TMTC2: variants seen among roughly 807,000 people sequenced by gnomAD.
The protein encoded by TMTC2 is transmembrane O-mannosyltransferase targeting cadherins 2.
TMTC2 carries 43 observed loss-of-function variants against 82.4 expected under a neutral mutation model. That is an observed-to-expected ratio of 0.52 (90% CI 0.41 to 0.67). TMTC2 has a LOEUF of 0.67. Among genes scored for constraint, TMTC2 ranks in the 30% least tolerant of loss-of-function variants. The probability of loss-of-function intolerance (pLI) is 0.00; values close to 1 mark genes in which losing one functional copy is unlikely to be tolerated. For synonymous variants in TMTC2, 408 were observed against 381.9 expected (o/e 1.07, Z -0.80); for missense variants, 919 against 1,012.4 (o/e 0.91, Z 1.25).
chr12:83,100,508 G>A (rs544382470), intron 11 of TMTC2, among the ~76,000 whole-genome samples: 9 of 152,004 alleles, frequency 5.9e-5, no homozygotes, highest in African/African-American at 9.6e-5. Context: ...TCAGATATTC[G>A]TATCCCAATC....
At chr12:82,739,563 A>G (rs755052638) in intron 1 of TMTC2, among the ~76,000 whole-genome samples, 1 of 152,036 alleles carries the variant, frequency 6.6e-6, no homozygotes, top group Non-Finnish European at 1.5e-5. Context: ...ACACTGGACT[A>G]TATATTTATG....
At chr12:82,792,054 C>G (rs1270827695) in intron 1 of TMTC2, among the ~76,000 whole-genome samples, 1 of 152,100 alleles carries the variant, frequency 6.6e-6, no homozygotes, top group African/African-American at 2.4e-5. Flanking sequence ...TGGGAAATTC[C>G]CACAGAAGCA....
chr12:82,827,893 CTT>C (rs796933469), intron 1 of TMTC2, among the ~76,000 whole-genome samples: 1 of 143,688 alleles, frequency 7.0e-6, no homozygotes. Flanking sequence ...TTTTCGTTTT[CTT>C]TTTTTTTTTT....
chr12:82,812,135 C>T (rs1868435185), intron 1 of TMTC2, among the ~76,000 whole-genome samples: 1 of 152,036 alleles, frequency 6.6e-6, no homozygotes, highest in Admixed American at 6.6e-5. Flanking sequence ...TATCTTAACA[C>T]ATCTGAAACT....
intron 7 of TMTC2, among the ~76,000 whole-genome samples, chr12:82,979,525 T>A (rs1878828648): frequency 6.6e-6 from 1 of 151,822 alleles, no homozygotes; most frequent in African/African-American, 2.4e-5. Flanking sequence ...TGTTTATTTC[T>A]TATACTGTGC....
chr12:83,071,566 G>A (rs1282158932), intron 11 of TMTC2, among the ~76,000 whole-genome samples: 1 of 152,106 alleles, frequency 6.6e-6, no homozygotes. Flanking sequence ...AGTTTCAAAA[G>A]GATTGGTACC....
intron 2 of TMTC2, among the ~76,000 whole-genome samples, chr12:82,877,677 G>A (rs1178327918): frequency 6.6e-6 from 1 of 151,982 alleles, no homozygotes; most frequent in Non-Finnish European, 1.5e-5. Context: ...TGATTAAAAA[G>A]TGACTTAAGG....
Position 83,034,456 on chromosome 12 carries a change from T to C in TMTC2, c.2152+3577T>C, listed in dbSNP as rs114475953. Among the ~76,000 whole-genome samples, 986 of 152,198 alleles carry C rather than the reference T, an allele frequency of 6.5e-3. 10 individuals carry two copies. The highest frequency in any genetic ancestry group is 0.022 in the African/African-American group (933 of 41,522). On this transcript the variant is annotated intron_variant, in intron 9 of 11. Transcript: ENST00000321196. The stretch of plus-strand genomic sequence containing the variant: ...ACAGAGGAACCAGAAGTAGAGCCCA[T>C]AGGGACTTGGAGACTGAGATAAGGA...
intron 11 of TMTC2, among the ~76,000 whole-genome samples, chr12:83,063,297 G>GT (rs66538945): frequency 3.1e-4 from 47 of 149,402 alleles, no homozygotes; most frequent in Non-Finnish European, 5.2e-4. Context: ...CTGCAGTTTT[G>GT]TTTTTTTTTT....
chr12:83,098,273 A>T (rs1360133199), intron 11 of TMTC2, among the ~76,000 whole-genome samples: 1 of 152,234 alleles, frequency 6.6e-6, no homozygotes, highest in Non-Finnish European at 1.5e-5. Context: ...TTTTTCCTCC[A>T]GCAGCTATGC....
intron 4 of TMTC2, among the ~76,000 whole-genome samples, chr12:82,962,236 A>T (rs544757479): frequency 6.6e-6 from 1 of 152,136 alleles, no homozygotes; most frequent in East Asian, 1.9e-4. Context: ...GTTTTCAATG[A>T]TTTTGGGCTT....
At chr12:83,091,030 G>T (rs145671421) in intron 11 of TMTC2, among the ~76,000 whole-genome samples, 2 of 152,238 alleles carry the variant, frequency 1.3e-5, no homozygotes, top group African/African-American at 4.8e-5. Flanking sequence ...GTGTCTGGGT[G>T]GTTTGTTAAT....
chr12:82,719,961 A>G (rs75428174), intron 1 of TMTC2, among the ~76,000 whole-genome samples: 15,453 of 152,248 alleles, frequency 0.1, 921 homozygotes, highest in East Asian at 0.24. Flanking sequence ...AATATTTGCA[A>G]TTAAAGTGAT....
chr12:82,896,672 C>G lies in TMTC2; in HGVS notation c.1483+26C>G, dbSNP rs747103203. On this transcript the variant is annotated intron_variant, in intron 3 of 11. Transcript: ENST00000321196. Reference sequence around the variant, plus strand: ...GTAATCTTTTATTTTATGCTTTTGTCTGGATAGTTTACACTTTCAGCCTCT... The same window carrying G: ...GTAATCTTTTATTTTATGCTTTTGTGTGGATAGTTTACACTTTCAGCCTCT... 2.6e-6 allele frequency: 4 copies of G among 1,549,708 alleles called. No individual in the cohort carries two copies. The South Asian group carries it at 4.9e-5, about 19-fold the overall frequency.
At chr12:82,882,038 C>T (rs1872851158) in intron 2 of TMTC2, among the ~76,000 whole-genome samples, 2 of 120,506 alleles carry the variant, frequency 1.7e-5, no homozygotes, top group Admixed American at 1.0e-4. Context: ...CTCTCTCTGT[C>T]GCCCAGGCTG....
In TMTC2 at chr12:83,132,298, A is replaced by G; in HGVS notation, c.2420A>G (p.Gln807Arg). Residue 807 changes from glutamine to arginine, a missense_variant, in exon 12 of 12, where the codon CAG (glutamine) becomes CGG (arginine). By Grantham distance (43) the Gln-to-Arg change is conservative (BLOSUM62 1). Transcript: ENST00000321196. ...KAEANYLRAL[Q>R]LKPDDVITQS... is the part of the protein sequence containing the mutation. ...GAGGCCAACTACCTGCGGGCCCTGCAGCTCAAGCCAGACGATGTCATCACA... is the reference window on the plus strand; with the variant it reads ...GAGGCCAACTACCTGCGGGCCCTGCGGCTCAAGCCAGACGATGTCATCACA... 3 of 1,614,064 alleles carry G rather than the reference A, an allele frequency of 1.9e-6. No individual in the cohort carries two copies. The highest frequency in any genetic ancestry group is 2.5e-6 in the Non-Finnish European group (3 of 1,179,970).
At chr12:82,761,187 A>G (rs1876609818) in intron 1 of TMTC2, among the ~76,000 whole-genome samples, 2 of 152,270 alleles carry the variant, frequency 1.3e-5, no homozygotes, top group South Asian at 2.1e-4. Context: ...TGTGATCTTG[A>G]TCAAGTTTGT....
intron 7 of TMTC2, among the ~76,000 whole-genome samples, chr12:82,982,595 C>A (rs1327700658): frequency 6.6e-6 from 1 of 151,842 alleles, no homozygotes; most frequent in East Asian, 1.9e-4. Flanking sequence ...ATTACATATG[C>A]GTAGAAAGCA....
chr12:82,995,238 A>G (rs758604118), intron 8 of TMTC2, among the ~76,000 whole-genome samples: 27 of 152,272 alleles, frequency 1.8e-4, no homozygotes, highest in South Asian at 4.2e-4. Context: ...CAGACAATAT[A>G]CATTTTTAGA....
Sources: allele counts gnomAD v4.1 joint callset (sites outside exome capture counted in the v4.1 genomes callset), GRCh38; gene constraint gnomAD v4.1.1; transcripts MANE v1.5; gene names NCBI Gene and HGNC (gene_info 2026-07-23, HGNC 2026-07-21).